The following FAF1 variants were observed in gnomAD, a reference collection of about 807,000 sequenced individuals.
The protein encoded by FAF1 is FAS-associated factor 1.
Under a neutral mutation model 92.5 loss-of-function variants are expected in FAF1, and 25 were observed. The ratio of observed to expected loss-of-function variants is 0.27; its 90% CI spans 0.20 to 0.38. The LOEUF (loss-of-function observed/expected upper bound fraction) is 0.38. Among genes scored for constraint, FAF1 ranks in the 10% least tolerant of loss-of-function variants. The pLI is 1.00. For missense variants in FAF1, 636 were observed against 793.3 expected (o/e 0.80, Z 2.38); for synonymous variants, 234 against 273.2 (o/e 0.86, Z 1.42).
chr1:50,907,989 G>T (rs10399725), intron 1 of FAF1, among the ~76,000 whole-genome samples: 3,044 of 152,098 alleles, frequency 0.02, 97 homozygotes, highest in African/African-American at 0.071. Context: ...GATCTTTCCT[G>T]CTTTCTCTTG....
intron 6 of FAF1, among the ~76,000 whole-genome samples, chr1:50,724,294 C>CAT (rs1293625471): frequency 5.2e-4 from 63 of 120,068 alleles, no homozygotes; most frequent in African/African-American, 2.0e-3. Context: ...CACACACACA[C>CAT]ATACACACAC....
rs1195474608 is a variant in FAF1 at position 50,916,774 on chromosome 1, A to G, written c.45+42993T>C. Among the ~76,000 whole-genome samples, 3 of 152,244 alleles carry G rather than the reference A, an allele frequency of 2.0e-5. No homozygotes were observed. The East Asian group carries it at 5.8e-4, about 29-fold the overall frequency. ...AAGTTTTAATAATCAAATGCTGCTGAGAATAGTAATTATTAGCAAAGGACA... is the reference window on the plus strand; with the variant it reads ...AAGTTTTAATAATCAAATGCTGCTGGGAATAGTAATTATTAGCAAAGGACA... On this transcript the variant is annotated intron_variant, in intron 1 of 18. Coordinates refer to ENST00000396153, the MANE Select transcript of FAF1 (RefSeq NM_007051.3).
At position 50,742,093 on chromosome 1, in the gene FAF1, G is replaced by C. The variant is rs139775217; in HGVS notation, c.459+2591C>G. 9.2e-5 allele frequency among the ~76,000 whole-genome samples: 14 copies of C among 152,050 alleles called. No individual in the cohort carries two copies. The East Asian group carries it at 2.7e-3, about 29-fold the overall frequency. The stretch of plus-strand genomic sequence containing the variant: ...GGAGGCCAAGGCAGGAGGACTGCAT[G>C]AGTCCAGGAATTCAGGATCAGTCTG... On this transcript the variant is annotated intron_variant, in intron 5 of 18. Transcript: ENST00000396153.
chr1:50,535,538 A>G, intron 14 of FAF1, 81 bp from the exon 15 acceptor site: 2 of 752,066 alleles, frequency 2.7e-6, no homozygotes, highest in Non-Finnish European at 4.4e-6. Flanking sequence ...GAAACTGGAA[A>G]GTCATTCTAG....
At chr1:50,799,709 T>C (rs1357634612) in intron 3 of FAF1, among the ~76,000 whole-genome samples, 1 of 152,192 alleles carries the variant, frequency 6.6e-6, no homozygotes, top group Non-Finnish European at 1.5e-5. Context: ...CCTTTCTTTG[T>C]TAAGGGATGG....
At position 50,846,811 on chromosome 1, in the gene FAF1, A is replaced by T. The variant is rs1160476186; in HGVS notation, c.114+11118T>A. ...ATTGTCCCAATCCCACTTAAAGGAA[A>T]ATTATATTACACAAAGAAGAGGAAG... On this transcript the variant is annotated intron_variant, in intron 2 of 18. Coordinates refer to ENST00000396153, the MANE Select transcript of FAF1 (RefSeq NM_007051.3). 3 of 642,260 alleles carry T rather than the reference A, an allele frequency of 4.7e-6. No homozygotes were observed. In the Admixed American group the frequency reaches 6.0e-5, roughly 13 times the overall value. 39.8% of individuals were successfully genotyped at this position (642,260 alleles called of 1,614,324 possible). A position where few individuals can be genotyped will look rare whatever the true frequency, so the allele number is the denominator to read the frequency against.
intron 7 of FAF1, among the ~76,000 whole-genome samples, chr1:50,691,806 C>G (rs1656939727): frequency 6.6e-6 from 1 of 152,146 alleles, no homozygotes; most frequent in South Asian, 2.1e-4. Flanking sequence ...TAGGCGTGAG[C>G]CATCGTGCCT....
intron 1 of FAF1, among the ~76,000 whole-genome samples, chr1:50,906,602 G>T (rs1042720735): frequency 2.0e-5 from 3 of 152,156 alleles, no homozygotes; most frequent in South Asian, 2.1e-4. Flanking sequence ...CACGTCCCTT[G>T]TAAGTTGGAT....
rs1011846022 is a variant in FAF1, at chr1:50,713,225, G to A, written c.552-7334C>T. On this transcript the variant is annotated intron_variant, in intron 6 of 18. Coordinates refer to ENST00000396153, the MANE Select transcript of FAF1 (RefSeq NM_007051.3). Reference sequence around the variant, plus strand: ...GATCTTCAGGGTCAAAAGGATGAGTGTTAACCAAAGAAATAATGAAACAGT... The same window carrying A: ...GATCTTCAGGGTCAAAAGGATGAGTATTAACCAAAGAAATAATGAAACAGT... Among the ~76,000 whole-genome samples the A allele has an allele frequency of 2.7e-5, 4 of 148,734 alleles. No homozygotes were observed. In the Admixed American group the frequency reaches 2.7e-4, roughly 10 times the overall value.
intron 2 of FAF1, among the ~76,000 whole-genome samples, chr1:50,821,766 A>G (rs778955480): frequency 2.0e-5 from 3 of 152,228 alleles, no homozygotes. Context: ...AATAAAGATG[A>G]ACTGCTTTTA....
intron 1 of FAF1, among the ~76,000 whole-genome samples, chr1:50,958,175 G>C (rs1250829151): frequency 1.3e-5 from 2 of 151,966 alleles, no homozygotes; most frequent in African/African-American, 4.8e-5. Flanking sequence ...TTAAAATGTA[G>C]GCAGGCAAAA....
At chr1:50,725,107 C>T (rs1309633372) in intron 6 of FAF1, among the ~76,000 whole-genome samples, 3 of 152,138 alleles carry the variant, frequency 2.0e-5, no homozygotes, top group Admixed American at 6.5e-5. Flanking sequence ...GGTGCTTGCC[C>T]GGCCATTAAA....
At chr1:50,529,790 G>A (rs1648043742) in intron 15 of FAF1, among the ~76,000 whole-genome samples, 1 of 152,124 alleles carries the variant, frequency 6.6e-6, no homozygotes, top group Non-Finnish European at 1.5e-5. Flanking sequence ...TAAGGACCTT[G>A]TTTATCTTGC....
intron 7 of FAF1, among the ~76,000 whole-genome samples, chr1:50,662,267 A>C (rs1451916497): frequency 1.3e-5 from 2 of 152,238 alleles, no homozygotes; most frequent in Admixed American, 1.3e-4. Context: ...GCTTTCAATC[A>C]GGCTTTGAAC....
intron 1 of FAF1, among the ~76,000 whole-genome samples, chr1:50,947,908 T>C (rs1645183256): frequency 6.6e-6 from 1 of 152,182 alleles, no homozygotes; most frequent in Non-Finnish European, 1.5e-5. Flanking sequence ...ACTAAGAATA[T>C]TCCTTCAGTA....
chr1:50,537,846 G>C (rs928732249), intron 14 of FAF1, among the ~76,000 whole-genome samples: 5 of 152,086 alleles, frequency 3.3e-5, no homozygotes, highest in Non-Finnish European at 7.4e-5. Context: ...AGTTGGAAAA[G>C]GGACAAGTAT....
chr1:50,442,717 G>T (rs1226305679), intron 18 of FAF1, among the ~76,000 whole-genome samples: 1 of 152,214 alleles, frequency 6.6e-6, no homozygotes, highest in African/African-American at 2.4e-5. Context: ...ATGGAGGGGT[G>T]GGGGATATGG....
chr1:50,746,247 C>T lies in FAF1; in HGVS notation c.368-1472G>A, dbSNP rs746785858. The stretch of plus-strand genomic sequence containing the variant: ...GAGCAAAGAAATGACCTGAAACGAA[C>T]ATATATATATATATATATATATATA... On this transcript the variant is annotated intron_variant, in intron 4 of 18. Transcript: ENST00000396153. Among the ~76,000 whole-genome samples, 95 of 39,908 alleles carry T rather than the reference C, an allele frequency of 2.4e-3. 1 individual carries two copies. Among genetic ancestry groups the T allele is most frequent in the Admixed American group, 4.3e-3 (8 of 1,880 alleles). The allele number at this position is 39,908 out of a possible 152,430, so 26.2% of individuals were successfully genotyped here.
At chr1:50,688,183 C>G (rs1289803790) in intron 7 of FAF1, among the ~76,000 whole-genome samples, 1 of 151,300 alleles carries the variant, frequency 6.6e-6, no homozygotes, top group African/African-American at 2.4e-5. Flanking sequence ...TAAAATAAAA[C>G]AAAACAGAAA....
Sources: gnomAD v4.1 joint callset for allele counts (sites outside exome capture counted in the v4.1 genomes callset) on GRCh38, gnomAD v4.1.1 for gene constraint, MANE v1.5 for transcripts, NCBI Gene and HGNC (gene_info 2026-07-23, HGNC 2026-07-21) for gene names.